The following NRK variants were observed in gnomAD, a reference collection of about 807,000 sequenced individuals.
NRK encodes nik-related protein kinase.
Under a neutral mutation model 125.2 loss-of-function variants are expected in NRK, and 67 were observed. That is an observed-to-expected ratio of 0.54 (90% CI 0.44 to 0.66). NRK has a LOEUF of 0.66. Among genes scored for constraint, NRK ranks in the 30% least tolerant of loss-of-function variants. The probability of loss-of-function intolerance (pLI) is 0.00; values close to 1 mark genes in which losing one functional copy is unlikely to be tolerated. For synonymous variants in NRK, 458 were observed against 429.0 expected, an observed-to-expected ratio of 1.07 and a Z score of -0.84; for missense variants, 1,224 against 1,192.9, an observed-to-expected ratio of 1.03 and a Z score of -0.38.
intron 19 of NRK, among the ~76,000 whole-genome samples, chrX:105,929,113 T>G (rs1051257928): frequency 3.0e-4 from 33 of 111,852 alleles, no homozygotes; most frequent in Middle Eastern, 4.6e-3. Flanking sequence ...ATATTGTAGT[T>G]TATCTCTCCC....
chrX:105,829,937 C>T (rs1325714354), intron 1 of NRK, among the ~76,000 whole-genome samples: 2 of 110,505 alleles, frequency 1.8e-5, no homozygotes, highest in Admixed American at 9.6e-5. Flanking sequence ...ATGCCAAAAC[C>T]GCAGTTACTT....
intron 19 of NRK, among the ~76,000 whole-genome samples, chrX:105,929,751 G>A (rs925250589): frequency 5.4e-5 from 6 of 111,416 alleles, no homozygotes; most frequent in Non-Finnish European, 1.1e-4. Context: ...ACTCCCTTAA[G>A]CATTTCTTGT....
Position 105,915,730 on chromosome X carries a change from G to T in NRK, c.2350G>T (p.Val784Phe), listed in dbSNP as rs766984351. Reference protein sequence around the residue: ...PYISNPKKIEVQERSPSVPNN... With the variant: ...PYISNPKKIEFQERSPSVPNN... ...TGAAGTATTGCATTGTGTCTTTAAG[G>T]TTCAAGAGAGATCTCCTTCTGTGCC... The change falls in exon 15 of 29, where the codon GTT (valine) becomes TTT (phenylalanine). Residue 784 changes from valine to phenylalanine, a missense_variant and splice_region_variant. Physicochemically the swap from Val to Phe is conservative, Grantham distance 50 (BLOSUM62 -1). Transcript: ENST00000243300. 5.4e-6 allele frequency: 6 copies of T among 1,116,097 alleles called. No homozygotes were observed. Among genetic ancestry groups the T allele is most frequent in the Non-Finnish European group, 6.1e-6 (5 of 813,379 alleles). The allele number at this position is 1,116,097 out of a possible 1,213,427, so 92.0% of individuals were successfully genotyped here. A position where few individuals can be genotyped will look rare whatever the true frequency, so the allele number is the denominator to read the frequency against.
chrX:105,911,928 A>C (rs1287328086), intron 13 of NRK, among the ~76,000 whole-genome samples: 1 of 111,485 alleles, frequency 9.0e-6, no homozygotes, highest in Non-Finnish European at 1.9e-5. Context: ...TACCAATCTC[A>C]TGACTCTAGG....
chrX:105,898,139 CATTTTT>C (rs1195787496), intron 7 of NRK, among the ~76,000 whole-genome samples: 4 of 111,864 alleles, frequency 3.6e-5, no homozygotes, highest in Non-Finnish European at 5.6e-5. Context: ...CAGAAAAACT[CATTTTT>C]ATTTATCAGT....
At chrX:105,924,427 C>CTT (rs938754096) in intron 18 of NRK, among the ~76,000 whole-genome samples, 25 of 111,653 alleles carry the variant, frequency 2.2e-4, no homozygotes, top group Middle Eastern at 9.3e-3. Flanking sequence ...ATACACGCAC[C>CTT]TAACAAAGAA....
Position 105,832,429 on chromosome X carries a change from A to G in NRK, c.123+1310A>G, listed in dbSNP as rs180794601. Among the ~76,000 whole-genome samples, 7 of 110,718 alleles carry G rather than the reference A, an allele frequency of 6.3e-5. No individual in the cohort carries two copies. In the East Asian group the frequency reaches 1.7e-3, roughly 27 times the overall value. ...AATATGGGGAACTGACATTTTCTCA[A>G]TCTTGTGTAATGTTCTATATAATTG... On this transcript the variant is annotated intron_variant, in intron 2 of 28. Coordinates refer to ENST00000243300, the MANE Select transcript of NRK (RefSeq NM_198465.4).
Position 105,943,999 on chromosome X carries a change from T to G in NRK, c.4017T>G (p.Tyr1339Ter), listed in dbSNP as rs781068792. 1 of 1,175,847 alleles carries G rather than the reference T, an allele frequency of 8.5e-7. No individual in the cohort carries two copies. Among genetic ancestry groups the G allele is most frequent in the South Asian group, 1.9e-5 (1 of 54,023 alleles). The stretch of plus-strand genomic sequence containing the variant: ...CTTTGAAATCATCAATTCACCTTTA[T>G]GCATGGGCACCAAAGTCCTTTGATG... ...AIALKSSIHL[Y>*]AWAPKSFDES... The change falls in exon 24 of 29, where the codon TAT becomes TAG. Residue 1339 changes from tyrosine to a stop codon, truncating the protein, a stop_gained. Transcript: ENST00000243300. LOFTEE classifies it high-confidence loss of function.
chrX:105,888,541 G>A (rs1188708214), intron 5 of NRK, 122 bp downstream of exon 5: 4 of 582,661 alleles, frequency 6.9e-6, no homozygotes, highest in Non-Finnish European at 5.2e-6. Context: ...TGTTAAGGTA[G>A]TATGGTGTAT....
chrX:105,906,894 G>A (rs2040227841), intron 11 of NRK, among the ~76,000 whole-genome samples: 2 of 108,264 alleles, frequency 1.8e-5, no homozygotes, highest in African/African-American at 6.7e-5. Flanking sequence ...TTTGTGATAT[G>A]CCAATTTTAA....
At position 105,908,933 on chromosome X, in the gene NRK, G is replaced by T. The variant is rs2040255541; in HGVS notation, c.1292G>T (p.Gly431Val). 3.3e-6 allele frequency: 4 copies of T among 1,209,486 alleles called. No individual in the cohort carries two copies. In the East Asian group the frequency reaches 1.2e-4, roughly 36 times the overall value. ...GACAGTGCACCTAAGCCTCTAAAGGGGCAGGCTCAGGCACCTCAACGACTA... is the reference window on the plus strand; with the variant it reads ...GACAGTGCACCTAAGCCTCTAAAGGTGCAGGCTCAGGCACCTCAACGACTA... ...ALDSAPKPLK[G>V]QAQAPQRLQG... The change falls in exon 13 of 29, where the codon GGG becomes GTG. Residue 431 changes from glycine to valine, a missense_variant. Physicochemically the swap from Gly to Val is moderately radical, Grantham distance 109 (BLOSUM62 -3). Coordinates refer to ENST00000243300, the MANE Select transcript of NRK (RefSeq NM_198465.4).
At chrX:105,866,983 T>C (rs1302503856) in intron 2 of NRK, among the ~76,000 whole-genome samples, 1 of 111,053 alleles carries the variant, frequency 9.0e-6, no homozygotes, top group Non-Finnish European at 1.9e-5. Flanking sequence ...AGGCATTCAG[T>C]GAATTTTTGT....
At chrX:105,947,843 A>G (rs955564909) in intron 26 of NRK, among the ~76,000 whole-genome samples, 2 of 112,138 alleles carry the variant, frequency 1.8e-5, no homozygotes, top group African/African-American at 6.5e-5. Flanking sequence ...ACATAAACCA[A>G]TTGTCAGGAC....
intron 8 of NRK, 96 bp downstream of exon 8, chrX:105,898,810 C>T: frequency 2.8e-6 from 2 of 706,724 alleles, no homozygotes; most frequent in Non-Finnish European, 3.9e-6. Flanking sequence ...AAAAAGCAGG[C>T]AGCTCCACAT....
rs1017471757 is a variant in NRK, at chrX:105,925,073, C to T, written c.3312+42C>T. ...AAAGCAGATTGAACTCCTCTCATTG[C>T]GAATGTGTTTCTTCATGGGACATGT... On this transcript the variant is annotated intron_variant, in intron 19 of 28. Coordinates refer to ENST00000243300, the MANE Select transcript of NRK (RefSeq NM_198465.4). 36 of 967,496 alleles carry T rather than the reference C, an allele frequency of 3.7e-5. 1 individual carries two copies. The highest frequency in any genetic ancestry group is 1.3e-4 in the African/African-American group (7 of 51,980). 79.7% of individuals were successfully genotyped at this position (967,496 alleles called of 1,213,427 possible). A position where few individuals can be genotyped will look rare whatever the true frequency, so the allele number is the denominator to read the frequency against.
At chrX:105,884,964 T>G (rs765242918) in intron 4 of NRK, among the ~76,000 whole-genome samples, 86 of 110,982 alleles carry the variant, frequency 7.7e-4, no homozygotes, top group Non-Finnish European at 1.5e-3. Flanking sequence ...CTAATTTTTG[T>G]ACTTTTAGTA....
intron 26 of NRK, among the ~76,000 whole-genome samples, chrX:105,947,304 G>A (rs749851890): frequency 7.7e-5 from 6 of 77,617 alleles, no homozygotes; most frequent in Non-Finnish European, 1.3e-4. Flanking sequence ...TTAGCCGGGC[G>A]TAGTGGCGGG....
chrX:105,859,044 T>C (rs893861507), intron 2 of NRK, among the ~76,000 whole-genome samples: 1 of 111,478 alleles, frequency 9.0e-6, no homozygotes, highest in African/African-American at 3.3e-5. Context: ...TGTAAGAGAA[T>C]ATACTCACCT....
chrX:105,860,574 G>T (rs185660145), intron 2 of NRK, among the ~76,000 whole-genome samples: 163 of 109,871 alleles, frequency 1.5e-3, no homozygotes, highest in African/African-American at 4.8e-3. Flanking sequence ...CAGGCCCCCT[G>T]CCCCCAGCCA....
Sources: gnomAD v4.1 joint callset for allele counts (sites outside exome capture counted in the v4.1 genomes callset) on GRCh38, gnomAD v4.1.1 for gene constraint, MANE v1.5 for transcripts, NCBI Gene and HGNC (gene_info 2026-07-23, HGNC 2026-07-21) for gene names.